Variants in RYR2 observed in about 807,000 individuals in gnomAD.
RYR2 encodes the protein cardiac muscle ryanodine receptor-calcium release channel.
Under a neutral mutation model 601.1 loss-of-function variants are expected in RYR2, and 227 were observed. The ratio of observed to expected loss-of-function variants is 0.38; its 90% CI spans 0.34 to 0.42. The LOEUF (loss-of-function observed/expected upper bound fraction) is 0.42. RYR2 is among the 10% of genes least tolerant of loss of function. The pLI is 1.00. For synonymous variants in RYR2, 2,223 were observed against 2,175.1 expected (o/e 1.02, Z -0.61); for missense variants, 4,646 against 6,156.5 (o/e 0.75, Z 8.21).
At chr1:237,114,708 A>G (rs1283869628) in intron 1 of RYR2, among the ~76,000 whole-genome samples, 1 of 152,074 alleles carries the variant, frequency 6.6e-6, no homozygotes, top group African/African-American at 2.4e-5. Flanking sequence ...GAGGCTAAAA[A>G]CCCATGCTCT....
intron 84 of RYR2, among the ~76,000 whole-genome samples, chr1:237,764,588 A>T (rs1693699536): frequency 1.3e-5 from 2 of 151,946 alleles, no homozygotes; most frequent in Non-Finnish European, 2.9e-5. Context: ...AGCTGGGATT[A>T]CAGGCCTGCC....
chr1:237,641,996 G>T (rs1403341393), intron 47 of RYR2, among the ~76,000 whole-genome samples: 1 of 152,076 alleles, frequency 6.6e-6, no homozygotes. Flanking sequence ...AAAAATCCTG[G>T]CCCAGGGCCC....
At chr1:237,217,252 G>C (rs958429713) in intron 1 of RYR2, among the ~76,000 whole-genome samples, 1 of 151,952 alleles carries the variant, frequency 6.6e-6, no homozygotes, top group Non-Finnish European at 1.5e-5. Context: ...TTCCCTGCTC[G>C]ATGACTCAGG....
intron 1 of RYR2, among the ~76,000 whole-genome samples, chr1:237,238,081 A>T (rs769199666): frequency 6.0e-5 from 9 of 151,102 alleles, no homozygotes; most frequent in East Asian, 5.9e-4. Flanking sequence ...CAGCCTCCTG[A>T]GTAGCAGGAC....
intron 24 of RYR2, among the ~76,000 whole-genome samples, chr1:237,517,410 T>G (rs1666653938): frequency 6.6e-6 from 1 of 152,224 alleles, no homozygotes; most frequent in Non-Finnish European, 1.5e-5. Flanking sequence ...GGGTGTCCAA[T>G]CTTTTTGCTT....
chr1:237,643,594 A>C (rs1202949739), intron 48 of RYR2, 147 bp downstream of exon 48: 1 of 766,606 alleles, frequency 1.3e-6, no homozygotes, highest in Non-Finnish European at 1.9e-6. Context: ...AAAAAGCTGT[A>C]AAGTATATAT....
chr1:237,720,701 T>C (rs574762084), intron 73 of RYR2, among the ~76,000 whole-genome samples: 8 of 152,184 alleles, frequency 5.3e-5, no homozygotes, highest in Non-Finnish European at 8.8e-5. Context: ...CCCTAGACCA[T>C]ACCTGGAGCA....
intron 9 of RYR2, 142 bp from the exon 10 acceptor site, chr1:237,387,945 A>C (rs77049552): frequency 3.1e-6 from 2 of 651,438 alleles, no homozygotes; most frequent in Non-Finnish European, 2.6e-6. Context: ...GGCACTGTCT[A>C]TCTCTGTGAC....
chr1:237,326,348 T>C (rs1173725009), intron 2 of RYR2, among the ~76,000 whole-genome samples: 1 of 152,120 alleles, frequency 6.6e-6, no homozygotes, highest in Non-Finnish European at 1.5e-5. Flanking sequence ...CCAAAGTATA[T>C]ATATTCTGAT....
chr1:237,072,874 G>C (rs1664540990), intron 1 of RYR2, among the ~76,000 whole-genome samples: 2 of 151,018 alleles, frequency 1.3e-5, no homozygotes, highest in East Asian at 3.9e-4. Flanking sequence ...CTTGAACCTG[G>C]GAGGCAAAAG....
chr1:237,107,164 A>C (rs1255546948), intron 1 of RYR2, among the ~76,000 whole-genome samples: 1 of 152,210 alleles, frequency 6.6e-6, no homozygotes, highest in East Asian at 1.9e-4. Context: ...TTAAACAATG[A>C]CATCAAAACA....
At position 237,646,399 on chromosome 1, in the gene RYR2, T is replaced by C. The variant is rs551826753; in HGVS notation, c.7343-2045T>C. ...TGTGGAGAATGTAGACAGAAACCTGTAGGTTTTTATGTCACCATAGCTGTG... is the reference window on the plus strand; with the variant it reads ...TGTGGAGAATGTAGACAGAAACCTGCAGGTTTTTATGTCACCATAGCTGTG... On this transcript the variant is annotated intron_variant, in intron 48 of 104. Coordinates refer to ENST00000366574, the MANE Select transcript of RYR2 (RefSeq NM_001035.3). Among the ~76,000 whole-genome samples the C allele has an allele frequency of 6.6e-5, 10 of 152,192 alleles. No homozygotes were observed. The South Asian group carries it at 2.1e-3, about 32-fold the overall frequency.
Position 237,614,989 on chromosome 1 carries a change from T to A in RYR2, c.5715+146T>A. The A allele has an allele frequency of 1.2e-6, 1 of 854,288 alleles. No individual in the cohort carries two copies. Among genetic ancestry groups the A allele is most frequent in the Non-Finnish European group, 1.7e-6 (1 of 572,582 alleles). The allele number at this position is 854,288 out of a possible 1,614,324, so 52.9% of individuals were successfully genotyped here. On this transcript the variant is annotated intron_variant, in intron 37 of 104. Transcript: ENST00000366574. The surrounding 1 kb of genome is among the most constrained non-coding windows in gnomAD (Gnocchi z 4.3). Reference sequence around the variant, plus strand: ...TTCTTCATAAAATTAACTAACTTCCTATTCTTTTCCCTCTTATTCATTAGC... The same window carrying A: ...TTCTTCATAAAATTAACTAACTTCCAATTCTTTTCCCTCTTATTCATTAGC...
intron 1 of RYR2, among the ~76,000 whole-genome samples, chr1:237,209,413 A>T: frequency 6.6e-6 from 1 of 151,932 alleles, no homozygotes; most frequent in East Asian, 1.9e-4. Flanking sequence ...ATTGCATATG[A>T]CATATAGATA....
intron 12 of RYR2, among the ~76,000 whole-genome samples, chr1:237,437,693 G>C (rs1448080737): frequency 6.6e-6 from 1 of 152,220 alleles, no homozygotes; most frequent in Non-Finnish European, 1.5e-5. Context: ...TGAATGAAAA[G>C]AGAAAATATC....
chr1:237,778,490 T>C (rs759963262), intron 87 of RYR2, among the ~76,000 whole-genome samples, 176 bp from the exon 88 acceptor site: 1 of 152,204 alleles, frequency 6.6e-6, no homozygotes, highest in Non-Finnish European at 1.5e-5. Context: ...ATTTCTCTCT[T>C]AAGGATCATT....
At chr1:237,297,772 A>G (rs1215157968) in intron 2 of RYR2, among the ~76,000 whole-genome samples, 3 of 151,686 alleles carry the variant, frequency 2.0e-5, no homozygotes, top group South Asian at 2.1e-4. Flanking sequence ...TTTTTGAGAC[A>G]TGGGGTCTTG....
In RYR2 at chr1:237,374,708, A is replaced by G. The variant is rs140998248; in HGVS notation, c.385-9A>G. 4.0e-5 allele frequency: 65 copies of G among 1,607,496 alleles called. 1 individual carries two copies. The Admixed American group carries it at 1.0e-3, about 25-fold the overall frequency. On this transcript the variant is annotated splice_polypyrimidine_tract_variant and intron_variant, in intron 6 of 104. Transcript: ENST00000366574. ...CTCTACTTACAACTACTGATTTTGT[A>G]CTTTGTAGTATCTGTGCTGCCTGTC...
At chr1:237,531,342 G>A (rs1474502575) in intron 25 of RYR2, among the ~76,000 whole-genome samples, 1 of 152,006 alleles carries the variant, frequency 6.6e-6, no homozygotes, top group East Asian at 1.9e-4. Flanking sequence ...CTGCCTGTGG[G>A]CATTAGTAAT....
Sources: gnomAD v4.1 joint callset for allele counts (sites outside exome capture counted in the v4.1 genomes callset) on GRCh38, gnomAD v4.1.1 for gene constraint, Gnocchi (gnomAD v3.1) non-coding constraint, MANE v1.5 for transcripts, NCBI Gene and HGNC (gene_info 2026-07-23, HGNC 2026-07-21) for gene names.